Variants in PLD5 observed in about 807,000 individuals in gnomAD.
PLD5 encodes phospholipase D family member 5, also known as inactive phospholipase D5.
Under a neutral mutation model 61.1 loss-of-function variants are expected in PLD5, and 36 were observed. The ratio of observed to expected loss-of-function variants is 0.59; its 90% confidence interval spans 0.45 to 0.78. The LOEUF is 0.78. Among genes scored for constraint, PLD5 ranks in the 30% least tolerant of loss-of-function variants. The pLI is 0.00. For missense variants in PLD5, 515 were observed against 644.4 expected (o/e 0.80, Z 2.17); for synonymous variants, 243 against 242.8 (o/e 1.00, Z -0.01).
intron 1 of PLD5, among the ~76,000 whole-genome samples, chr1:242,376,342 A>T (rs1661954618): frequency 6.6e-6 from 1 of 152,152 alleles, no homozygotes; most frequent in South Asian, 2.1e-4. Flanking sequence ...AGACAAAGGC[A>T]CGCCCACACT....
intron 5 of PLD5, among the ~76,000 whole-genome samples, chr1:242,130,715 C>T (rs113678086): frequency 9.2e-4 from 140 of 152,276 alleles, no homozygotes; most frequent in African/African-American, 3.0e-3. Flanking sequence ...GCCGACCACA[C>T]GCCACAGAGC....
intron 1 of PLD5, among the ~76,000 whole-genome samples, chr1:242,352,240 C>G (rs1660518588): frequency 6.6e-6 from 1 of 152,316 alleles, no homozygotes; most frequent in South Asian, 2.1e-4. Context: ...TGGTAACCAC[C>G]ATTCTACTCT....
At chr1:242,191,354 G>T (rs1364974829) in intron 5 of PLD5, among the ~76,000 whole-genome samples, 1 of 152,170 alleles carries the variant, frequency 6.6e-6, no homozygotes, top group Non-Finnish European at 1.5e-5. Context: ...AGAAGGCCAT[G>T]GCAGGTGGAT....
chr1:242,224,477 T>C (rs1670802239), intron 4 of PLD5, among the ~76,000 whole-genome samples: 1 of 152,184 alleles, frequency 6.6e-6, no homozygotes, highest in Non-Finnish European at 1.5e-5. Context: ...GGATCCTATA[T>C]ATTAAAGAGT....
chr1:242,216,478 T>C (rs886355357), intron 5 of PLD5, among the ~76,000 whole-genome samples: 5 of 152,078 alleles, frequency 3.3e-5, no homozygotes, highest in African/African-American at 9.7e-5. Flanking sequence ...CTAAATGGCT[T>C]GTTTACTCAT....
intron 1 of PLD5, among the ~76,000 whole-genome samples, chr1:242,348,800 A>C (rs1194701068): frequency 4.6e-5 from 7 of 152,252 alleles, no homozygotes; most frequent in East Asian, 3.9e-4. Flanking sequence ...CATGCCTGTA[A>C]TCCTAGCACT....
chr1:242,381,761 TC>T (rs1662291770), intron 1 of PLD5, among the ~76,000 whole-genome samples: 1 of 152,150 alleles, frequency 6.6e-6, no homozygotes, highest in African/African-American at 2.4e-5. Context: ...GACTATTGCC[TC>T]CCTCAAACAG....
intron 5 of PLD5, among the ~76,000 whole-genome samples, chr1:242,157,163 A>G (rs1368212108): frequency 1.3e-5 from 2 of 152,106 alleles, no homozygotes; most frequent in Non-Finnish European, 2.9e-5. Flanking sequence ...GATACTGTGT[A>G]TGCTTCACAA....
chr1:242,484,108 G>A (rs1459322254), intron 1 of PLD5, among the ~76,000 whole-genome samples: 1 of 152,136 alleles, frequency 6.6e-6, no homozygotes, highest in Non-Finnish European at 1.5e-5. Flanking sequence ...GAGAAAGCAG[G>A]AAAGATCCAA....
chr1:242,109,207 G>A (rs1359027222), intron 7 of PLD5, among the ~76,000 whole-genome samples: 1 of 152,194 alleles, frequency 6.6e-6, no homozygotes, highest in African/African-American at 2.4e-5. Flanking sequence ...GGGCCGGCAC[G>A]GTGGCTCACA....
chr1:242,114,733 A>G (rs1452772405), intron 6 of PLD5, among the ~76,000 whole-genome samples: 2 of 152,070 alleles, frequency 1.3e-5, no homozygotes, highest in East Asian at 1.9e-4. Context: ...GCCTTATGAG[A>G]TTGTAATGCC....
chr1:242,513,068 C>T (rs1475319187), intron 1 of PLD5, among the ~76,000 whole-genome samples: 4 of 151,994 alleles, frequency 2.6e-5, no homozygotes, highest in Non-Finnish European at 4.4e-5. Flanking sequence ...TTTGTAGAGA[C>T]AGGATCTCAC....
At chr1:242,515,077 C>T (rs539190335) in intron 1 of PLD5, among the ~76,000 whole-genome samples, 28 of 152,306 alleles carry the variant, frequency 1.8e-4, no homozygotes, top group Admixed American at 3.9e-4. Flanking sequence ...GTAACCAACA[C>T]CTAAAAATAG....
At chr1:242,385,370 G>T (rs1306731050) in intron 1 of PLD5, among the ~76,000 whole-genome samples, 1 of 152,084 alleles carries the variant, frequency 6.6e-6, no homozygotes, top group Non-Finnish European at 1.5e-5. Context: ...TAGGCTCCTA[G>T]ATCGATTGTA....
At chr1:242,479,474 T>C (rs1667700659) in intron 1 of PLD5, among the ~76,000 whole-genome samples, 1 of 152,166 alleles carries the variant, frequency 6.6e-6, no homozygotes, top group African/African-American at 2.4e-5. Flanking sequence ...ATAAGACCTA[T>C]TCTCTATAAA....
At chr1:242,485,763 C>G (rs1357497264) in intron 1 of PLD5, among the ~76,000 whole-genome samples, 1 of 152,168 alleles carries the variant, frequency 6.6e-6, no homozygotes, top group Non-Finnish European at 1.5e-5. Flanking sequence ...CCAAGTCAAT[C>G]CTAAGCCAAA....
chr1:242,526,722 T>C (rs997593348), upstream of PLD5, among the ~76,000 whole-genome samples: 1 of 152,168 alleles, frequency 6.6e-6, no homozygotes, highest in African/African-American at 2.4e-5. Context: ...ATTTTTTTAT[T>C]ATTACACTTT....
At chr1:242,107,544 G>A (rs537523553) in intron 8 of PLD5, 127 bp downstream of exon 8, 84 of 894,316 alleles carry the variant, frequency 9.4e-5, no homozygotes, top group Admixed American at 2.2e-4. Flanking sequence ...ATTACTTAAC[G>A]TGCTTTTTGA....
intron 5 of PLD5, among the ~76,000 whole-genome samples, chr1:242,217,916 C>A (rs973485324): frequency 1.3e-5 from 2 of 152,178 alleles, no homozygotes; most frequent in African/African-American, 4.8e-5. Context: ...AGTGAATATG[C>A]TGTGAACATT....
Sources: allele counts gnomAD v4.1 joint callset (sites outside exome capture counted in the v4.1 genomes callset), GRCh38; gene constraint gnomAD v4.1.1; transcripts MANE v1.5; gene names NCBI Gene and HGNC (gene_info 2026-07-23, HGNC 2026-07-21).